The following DLC1 variants were observed in gnomAD, a reference collection of about 807,000 sequenced individuals.
DLC1 encodes the protein DLC1 Rho GTPase activating protein, also known as rho GTPase-activating protein 7.
In DLC1, 54 loss-of-function variants were observed where a neutral mutation model predicts 140.3. The observed-to-expected ratio is 0.38, with a 90% CI of 0.31 to 0.48. The LOEUF is 0.48. Among genes scored for constraint, DLC1 ranks in the 20% least tolerant of loss-of-function variants. DLC1 has a pLI of 0.96. For synonymous variants in DLC1, 986 were observed against 728.1 expected, an observed-to-expected ratio of 1.35 and a Z score of -5.70; for missense variants, 2,536 against 1,907.0, an observed-to-expected ratio of 1.33 and a Z score of -6.14.
intron 5 of DLC1, among the ~76,000 whole-genome samples, chr8:13,180,837 G>A (rs1825990803): frequency 6.6e-6 from 1 of 152,130 alleles, no homozygotes; most frequent in African/African-American, 2.4e-5. Flanking sequence ...ATAGAGAGTT[G>A]TCTCAAATAG....
chr8:13,172,793 T>C (rs886391354), intron 5 of DLC1, among the ~76,000 whole-genome samples: 3 of 152,150 alleles, frequency 2.0e-5, no homozygotes, highest in Non-Finnish European at 4.4e-5. Flanking sequence ...AAAAGGAAAG[T>C]GGGAATCAGC....
intron 2 of DLC1, among the ~76,000 whole-genome samples, chr8:13,457,117 C>G (rs1295237115): frequency 6.6e-6 from 1 of 152,264 alleles, no homozygotes; most frequent in South Asian, 2.1e-4. Context: ...GTATTTTTCT[C>G]AAATGTGTCT....
intron 1 of DLC1, among the ~76,000 whole-genome samples, chr8:13,523,702 GA>G (rs1328429673): frequency 6.6e-6 from 1 of 152,032 alleles, no homozygotes; most frequent in Admixed American, 6.6e-5. Context: ...GAATGATATG[GA>G]AAAAATTAGC....
At chr8:13,376,721 A>C (rs186153229) in intron 4 of DLC1, among the ~76,000 whole-genome samples, 2 of 152,306 alleles carry the variant, frequency 1.3e-5, no homozygotes, top group East Asian at 3.9e-4. Context: ...GTAACATTTC[A>C]AAGTTTTGGA....
intron 6 of DLC1, among the ~76,000 whole-genome samples, chr8:13,114,323 C>A (rs1368142279): frequency 6.6e-6 from 1 of 152,232 alleles, no homozygotes; most frequent in Admixed American, 6.5e-5. Flanking sequence ...AATCACACCA[C>A]TGAACTCCAG....
intron 5 of DLC1, among the ~76,000 whole-genome samples, chr8:13,253,338 A>G (rs916948858): frequency 1.3e-5 from 2 of 152,190 alleles, no homozygotes; most frequent in African/African-American, 4.8e-5. Context: ...CTTTTTAAAA[A>G]TTGTCATTGG....
At chr8:13,351,374 G>A (rs1834655404) in intron 4 of DLC1, among the ~76,000 whole-genome samples, 1 of 152,196 alleles carries the variant, frequency 6.6e-6, no homozygotes, top group African/African-American at 2.4e-5. Context: ...CTTCACACTG[G>A]TGATATGCTA....
chr8:13,466,723 A>C (rs7844813), intron 2 of DLC1, among the ~76,000 whole-genome samples: 123,479 of 152,080 alleles, frequency 0.81, 51,575 homozygotes, highest in Middle Eastern at 0.94. Context: ...TCTCTTTCCT[A>C]ACTGATCTTC....
At chr8:13,335,479 A>G (rs904322223) in intron 4 of DLC1, among the ~76,000 whole-genome samples, 1 of 152,208 alleles carries the variant, frequency 6.6e-6, no homozygotes, top group Non-Finnish European at 1.5e-5. Flanking sequence ...ATCAGCTCAT[A>G]TTTATCGTCA....
chr8:13,227,640 G>C (rs1431023365), intron 5 of DLC1, among the ~76,000 whole-genome samples: 1 of 152,158 alleles, frequency 6.6e-6, no homozygotes, highest in Non-Finnish European at 1.5e-5. Flanking sequence ...CTAATTTACT[G>C]TGTGACCGTA....
chr8:13,441,975 CA>C (rs1277683218), intron 2 of DLC1, among the ~76,000 whole-genome samples: 2 of 152,118 alleles, frequency 1.3e-5, no homozygotes, highest in African/African-American at 4.8e-5. Flanking sequence ...CTACAGTAAC[CA>C]AAACAGCATG....
intron 4 of DLC1, among the ~76,000 whole-genome samples, chr8:13,388,225 T>A (rs1836606687): frequency 6.6e-6 from 1 of 152,028 alleles, no homozygotes; most frequent in South Asian, 2.1e-4. Context: ...AAATAGTATT[T>A]TATTGGCATT....
chr8:13,405,559 G>C (rs1837489209), intron 2 of DLC1, among the ~76,000 whole-genome samples: 2 of 152,114 alleles, frequency 1.3e-5, no homozygotes, highest in African/African-American at 4.8e-5. Flanking sequence ...GTCGAGACTA[G>C]AGCCTGGCTC....
intron 7 of DLC1, among the ~76,000 whole-genome samples, chr8:13,106,858 T>C (rs1490376648): frequency 2.6e-5 from 4 of 152,184 alleles, no homozygotes; most frequent in South Asian, 2.1e-4. Flanking sequence ...CAAAGGAAAA[T>C]AGCAATTTGG....
At chr8:13,401,828 A>G (rs1268827128) in intron 2 of DLC1, among the ~76,000 whole-genome samples, 1 of 152,226 alleles carries the variant, frequency 6.6e-6, no homozygotes, top group African/African-American at 2.4e-5. Context: ...AATATTAAAT[A>G]TATATCTTGT....
intron 2 of DLC1, among the ~76,000 whole-genome samples, chr8:13,461,703 C>T (rs547841444): frequency 3.3e-5 from 5 of 152,260 alleles, no homozygotes; most frequent in African/African-American, 1.2e-4. Flanking sequence ...GTGTTCCATT[C>T]CCTCTGTCTT....
intron 9 of DLC1, among the ~76,000 whole-genome samples, chr8:13,099,100 C>T (rs569866410): frequency 6.9e-6 from 1 of 144,950 alleles, no homozygotes; most frequent in East Asian, 1.9e-4. Flanking sequence ...CAAGTTCATT[C>T]TCATTGTGTG....
chr8:13,258,098 A>G lies in DLC1; in HGVS notation c.1348+47171T>C, dbSNP rs185551382. 3.5e-3 allele frequency among the ~76,000 whole-genome samples: 527 copies of G among 152,376 alleles called. 3 individuals are homozygous for G. Among genetic ancestry groups the G allele is most frequent in the African/African-American group, 0.012 (517 of 41,596 alleles). On this transcript the variant is annotated intron_variant, in intron 5 of 17. Coordinates refer to ENST00000276297, the MANE Select transcript of DLC1 (RefSeq NM_182643.3). ...CTTGTAGTGTTTTAGAGTGGCTGCTATCTCAACTTGAATCACCCAGCAAAT... is the reference window on the plus strand; with the variant it reads ...CTTGTAGTGTTTTAGAGTGGCTGCTGTCTCAACTTGAATCACCCAGCAAAT...
intron 4 of DLC1, among the ~76,000 whole-genome samples, chr8:13,346,429 G>A (rs1231539939): frequency 1.3e-5 from 2 of 152,198 alleles, no homozygotes; most frequent in Non-Finnish European, 2.9e-5. Context: ...TCGTCCGAAT[G>A]TTCACTTTCA....
Sources: allele counts gnomAD v4.1 joint callset (sites outside exome capture counted in the v4.1 genomes callset), GRCh38; gene constraint gnomAD v4.1.1; transcripts MANE v1.5; gene names NCBI Gene and HGNC (gene_info 2026-07-23, HGNC 2026-07-21).